The following UBAC1 variants were observed in gnomAD, a reference collection of about 807,000 sequenced individuals.
The protein encoded by UBAC1 is ubiquitin-associated domain-containing protein 1.
A neutral mutation model predicts 45.9 loss-of-function variants in UBAC1; 27 were observed. The observed-to-expected ratio is 0.59, with a 90% CI of 0.43 to 0.81. The LOEUF is 0.81. Ranked by LOEUF, UBAC1 falls within the 30% of genes least tolerant of loss-of-function variation. UBAC1 has a pLI of 0.00. For missense variants in UBAC1, 529 were observed against 539.2 expected, an observed-to-expected ratio of 0.98 and a Z score of 0.19; for synonymous variants, 227 against 215.5, an observed-to-expected ratio of 1.05 and a Z score of -0.47.
rs749704638 is a variant in UBAC1 at position 135,947,863 on chromosome 9, G to T, written c.376C>A (p.Arg126=). 3.1e-6 allele frequency: 5 copies of T among 1,614,130 alleles called. No homozygotes were observed. The highest frequency in any genetic ancestry group is 2.2e-5 in the East Asian group (1 of 44,870). The change falls in exon 4 of 10, where the codon CGG becomes AGG. Residue 126 remains arginine (R), a synonymous_variant. Coordinates refer to ENST00000371756, the MANE Select transcript of UBAC1 (RefSeq NM_016172.3). Reference sequence around the variant, plus strand: ...TAGGAGGGCAGGTTGGCGGTGGCCCGCAGTATGGCCTCTTTATCTGGAGCT... The same window carrying T: ...TAGGAGGGCAGGTTGGCGGTGGCCCTCAGTATGGCCTCTTTATCTGGAGCT... ...QKAPDKEAIL[R]ATANLPSYNM...
At chr9:135,956,276 A>T (rs1267299612) in intron 1 of UBAC1, among the ~76,000 whole-genome samples, 1 of 152,212 alleles carries the variant, frequency 6.6e-6, no homozygotes, top group East Asian at 1.9e-4. Context: ...CATTACAAAG[A>T]TCTCACAGCC....
intron 3 of UBAC1, 47 bp downstream of exon 3, chr9:135,953,633 T>C (rs1170948471): frequency 6.4e-7 from 1 of 1,561,966 alleles, no homozygotes; most frequent in Non-Finnish European, 8.8e-7. Flanking sequence ...TTCTTAAATG[T>C]AGACTTCTAC....
At chr9:135,936,487 GT>G (rs2131079854) in intron 9 of UBAC1, among the ~76,000 whole-genome samples, 1 of 149,928 alleles carries the variant, frequency 6.7e-6, no homozygotes, top group African/African-American at 2.4e-5. Context: ...GGATAGGAGG[GT>G]TTTCCTTTTT....
chr9:135,947,988 C>T (rs1358949482), intron 3 of UBAC1, 83 bp from the exon 4 acceptor site: 7 of 1,301,450 alleles, frequency 5.4e-6, no homozygotes, highest in Middle Eastern at 1.9e-4. Context: ...CGGAGCTCTG[C>T]CCAAGAAAGA....
intron 1 of UBAC1, among the ~76,000 whole-genome samples, 153 bp from the exon 2 acceptor site, chr9:135,955,568 T>C (rs757400901): frequency 5.3e-5 from 8 of 152,208 alleles, no homozygotes; most frequent in Non-Finnish European, 7.3e-5. Flanking sequence ...TTCCCACTAA[T>C]GGTAGATGCC....
intron 2 of UBAC1, among the ~76,000 whole-genome samples, chr9:135,954,558 C>T (rs1483999940): frequency 2.6e-5 from 4 of 152,202 alleles, no homozygotes; most frequent in Non-Finnish European, 4.4e-5. Context: ...AGGCCTGGCA[C>T]GAACCCCCAG....
intron 3 of UBAC1, among the ~76,000 whole-genome samples, chr9:135,950,890 C>T (rs1025633910): frequency 3.0e-4 from 46 of 152,172 alleles, no homozygotes; most frequent in African/African-American, 1.0e-3. Flanking sequence ...CCCAGGAGTT[C>T]AAGACCAGCC....
chr9:135,935,422 G>T (rs573098704), intron 9 of UBAC1, among the ~76,000 whole-genome samples: 1 of 152,140 alleles, frequency 6.6e-6, no homozygotes, highest in Non-Finnish European at 1.5e-5. Flanking sequence ...GAGGTGGGGG[G>T]AGCGCTTGAA....
At position 135,961,338 on chromosome 9, in the gene UBAC1, C is replaced by T. The variant is rs1451798938; in HGVS notation, c.-176G>A. The stretch of plus-strand genomic sequence containing the variant: ...CTCTCCGCGGCCTCAGCGGTCGCCT[C>T]GCTCCCGCCGCCGCAGCAGCCGCCG... On this transcript the variant is annotated 5_prime_UTR_variant, in exon 1 of 10. Coordinates refer to ENST00000371756, the MANE Select transcript of UBAC1 (RefSeq NM_016172.3). 6.3e-6 allele frequency: 2 copies of T among 317,940 alleles called. No individual in the cohort carries two copies. Among genetic ancestry groups the T allele is most frequent in the African/African-American group, 2.3e-5 (1 of 44,126 alleles). The allele number at this position is 317,940 out of a possible 1,614,324, so 19.7% of individuals were successfully genotyped here.
intron 1 of UBAC1, among the ~76,000 whole-genome samples, chr9:135,955,676 C>T (rs1039601742): frequency 6.6e-6 from 1 of 152,208 alleles, no homozygotes; most frequent in Non-Finnish European, 1.5e-5. Flanking sequence ...ACTGACAATT[C>T]GCGGCCACCA....
At chr9:135,946,502 G>A in intron 4 of UBAC1, 131 bp from the exon 5 acceptor site, 1 of 671,872 alleles carries the variant, frequency 1.5e-6, no homozygotes, top group Non-Finnish European at 2.7e-6. Flanking sequence ...CAAGACAGCA[G>A]GATCAGCTGA....
chr9:135,947,887 C>A lies in UBAC1; in HGVS notation c.352G>T (p.Ala118Ser), dbSNP rs1464803553. The change falls in exon 4 of 10, where the codon GCT becomes TCT. Residue 118 changes from alanine (A) to serine (S), a missense_variant. Ala to Ser is a moderately conservative substitution (Grantham distance 99). Coordinates refer to ENST00000371756, the MANE Select transcript of UBAC1 (RefSeq NM_016172.3). Reference sequence around the variant, plus strand: ...CGCAGTATGGCCTCTTTATCTGGAGCTTTCTGGTCTTGTTTTTTCTACACA... The same window carrying A: ...CGCAGTATGGCCTCTTTATCTGGAGATTTCTGGTCTTGTTTTTTCTACACA... ...AEEKKKQDQKAPDKEAILRAT... is the reference protein window; with the variant it reads ...AEEKKKQDQKSPDKEAILRAT... 4.3e-6 allele frequency: 7 copies of A among 1,613,936 alleles called. No homozygotes were observed. The highest frequency in any genetic ancestry group is 2.2e-5 in the South Asian group (2 of 91,076).
chr9:135,955,529 G>T, intron 1 of UBAC1, 114 bp from the exon 2 acceptor site: 1 of 1,134,620 alleles, frequency 8.8e-7, no homozygotes, highest in Non-Finnish European at 1.2e-6. Context: ...TATGAGCTAA[G>T]AAATTACACC....
At position 135,961,058 on chromosome 9, in the gene UBAC1, C is replaced by G. The variant is rs74667710; in HGVS notation, c.105G>C (p.Ser35=). ...EWLEEATEDT[S]VEKLKERCLK... is the part of the protein sequence containing the mutation. The stretch of plus-strand genomic sequence containing the variant: ...GGCAGCGCTCCTTGAGCTTCTCCAC[C>G]GAGGTGTCCTCGGTGGCCTCCTCCA... Residue 35 remains serine (S), a synonymous_variant, in exon 1 of 10, where the codon TCG becomes TCC. Coordinates refer to ENST00000371756, the MANE Select transcript of UBAC1 (RefSeq NM_016172.3). 0.017 allele frequency: 26,065 copies of G among 1,578,636 alleles called. 679 individuals are homozygous for G. The highest frequency in any genetic ancestry group is 0.12 in the African/African-American group (8,677 of 72,022).
Position 135,939,757 on chromosome 9 carries a change from G to A in UBAC1, c.879C>T (p.Ala293=), listed in dbSNP as rs764367147. ...ACCCCATCTCCATCAGGGAAATGACGGCCTAGAGGACAGCACAGCCGTTAG... is the reference window on the plus strand; with the variant it reads ...ACCCCATCTCCATCAGGGAAATGACAGCCTAGAGGACAGCACAGCCGTTAG... ...RKREFRADAR[A]VISLMEMGFD... is the part of the protein sequence containing the mutation. Residue 293 remains alanine (A), a splice_region_variant and synonymous_variant, in exon 8 of 10, where the codon GCC becomes GCT. Transcript: ENST00000371756. 5.8e-5 allele frequency: 94 copies of A among 1,612,944 alleles called. No homozygotes were observed. The highest frequency in any genetic ancestry group is 1.6e-4 in the Middle Eastern group (1 of 6,078).
At chr9:135,951,047 G>T (rs914283514) in intron 3 of UBAC1, among the ~76,000 whole-genome samples, 2 of 152,090 alleles carry the variant, frequency 1.3e-5, no homozygotes, top group South Asian at 4.1e-4. Flanking sequence ...GCAGTGAGGT[G>T]AGATCGTACC....
In UBAC1 at chr9:135,945,253, GC is replaced by G; in HGVS notation, c.654-4del. The G allele has an allele frequency of 6.3e-7, 1 of 1,575,550 alleles. No homozygotes were observed. The highest frequency in any genetic ancestry group is 1.4e-5 in the African/African-American group (1 of 73,748). On this transcript the variant is annotated splice_polypyrimidine_tract_variant and splice_region_variant and intron_variant, in intron 6 of 9. Coordinates refer to ENST00000371756, the MANE Select transcript of UBAC1 (RefSeq NM_016172.3). ...CCATGGCCTGAGGCACCGACATGCT[GC>G]AAGGCAAGAGACTCTTTCCAACATC...
chr9:135,954,799 C>T (rs1285580333), intron 2 of UBAC1, among the ~76,000 whole-genome samples: 1 of 152,220 alleles, frequency 6.6e-6, no homozygotes, highest in African/African-American at 2.4e-5. Flanking sequence ...CAGCGGATAT[C>T]TGTTAGCAAT....
chr9:135,949,102 G>A lies in UBAC1; in HGVS notation c.334-1197C>T, dbSNP rs115400874. On this transcript the variant is annotated intron_variant, in intron 3 of 9. Coordinates refer to ENST00000371756, the MANE Select transcript of UBAC1 (RefSeq NM_016172.3). Reference sequence around the variant, plus strand: ...AACAACAGAAAGCAGCACAAAGTGAGGAGTCAGCAGGGAAGAGGATAGTGT... The same window carrying A: ...AACAACAGAAAGCAGCACAAAGTGAAGAGTCAGCAGGGAAGAGGATAGTGT... Among the ~76,000 whole-genome samples the A allele has an allele frequency of 2.7e-3, 413 of 151,654 alleles. 3 individuals are homozygous for A. Among genetic ancestry groups the A allele is most frequent in the African/African-American group, 9.5e-3 (391 of 41,366 alleles).
Sources: gnomAD v4.1 joint callset for allele counts (sites outside exome capture counted in the v4.1 genomes callset) on GRCh38, gnomAD v4.1.1 for gene constraint, MANE v1.5 for transcripts, NCBI Gene and HGNC (gene_info 2026-07-23, HGNC 2026-07-21) for gene names.